Variants in SESTD1 observed in about 807,000 individuals in gnomAD.
SESTD1 encodes the protein SEC14 domain and spectrin repeat-containing protein 1.
In SESTD1, 43 loss-of-function variants were observed where a neutral mutation model predicts 101.7. That is an observed-to-expected ratio of 0.42 (90% CI 0.33 to 0.55). The LOEUF (loss-of-function observed/expected upper bound fraction) is 0.55. Ranked by LOEUF, SESTD1 falls within the 20% of genes least tolerant of loss-of-function variation. The pLI is 0.07. For synonymous variants in SESTD1, 283 were observed against 286.8 expected, an observed-to-expected ratio of 0.99 and a Z score of 0.13; for missense variants, 647 against 815.1, an observed-to-expected ratio of 0.79 and a Z score of 2.51.
chr2:179,112,918 C>T, intron 16 of SESTD1, 73 bp from the exon 17 acceptor site: 2 of 1,479,188 alleles, frequency 1.4e-6, no homozygotes, highest in Non-Finnish European at 8.9e-7. Flanking sequence ...TCACCCCACC[C>T]CACAAAAAAA....
At chr2:179,182,934 A>C in intron 3 of SESTD1, 146 bp downstream of exon 3, 1 of 507,024 alleles carries the variant, frequency 2.0e-6, no homozygotes, top group Admixed American at 3.8e-5. Context: ...ATGATGTTAT[A>C]AGTCATTGAT....
At chr2:179,116,904 C>A (rs2044645465) in intron 14 of SESTD1, 114 bp from the exon 15 acceptor site, 4 of 1,362,632 alleles carry the variant, frequency 2.9e-6, no homozygotes, top group Non-Finnish European at 4.0e-6. Context: ...TTAATTATAA[C>A]CTAAAGTCTT....
At chr2:179,238,272 C>A (rs555490541) in intron 1 of SESTD1, among the ~76,000 whole-genome samples, 1 of 152,032 alleles carries the variant, frequency 6.6e-6, no homozygotes, top group Non-Finnish European at 1.5e-5. Flanking sequence ...AGAAAAGCCA[C>A]ATAAAGTGAA....
chr2:179,142,548 A>G (rs1316701591), intron 9 of SESTD1, among the ~76,000 whole-genome samples: 1 of 152,188 alleles, frequency 6.6e-6, no homozygotes, highest in Non-Finnish European at 1.5e-5. Context: ...TATGACTCAA[A>G]AAGGCCATCC....
intron 1 of SESTD1, among the ~76,000 whole-genome samples, chr2:179,239,173 T>G (rs1350785937): frequency 1.3e-5 from 2 of 152,192 alleles, no homozygotes; most frequent in African/African-American, 4.8e-5. Context: ...CAATGGATTA[T>G]ATAGGATGCT....
rs2044396321 is a variant in SESTD1 at position 179,106,949 on chromosome 2, A to C, written c.*2950T>G. The C allele has an allele frequency of 6.6e-6, 1 of 152,018 alleles. No homozygotes were observed. Among genetic ancestry groups the C allele is most frequent in the Admixed American group, 6.6e-5 (1 of 15,246 alleles). The allele number at this position is 152,018 out of a possible 1,614,324, so 9.4% of individuals were successfully genotyped here. A position where few individuals can be genotyped will look rare whatever the true frequency, so the allele number is the denominator to read the frequency against. On this transcript the variant is annotated 3_prime_UTR_variant, in exon 18 of 18. Transcript: ENST00000428443. ...AAACAAATGATAAAAGAAAAAAAAA[A>C]TCCTCAAACAAACAAAAAAACCCAA...
chr2:179,149,121 C>A (rs906619962), intron 7 of SESTD1, among the ~76,000 whole-genome samples, 176 bp downstream of exon 7: 5 of 134,982 alleles, frequency 3.7e-5, no homozygotes, highest in Admixed American at 1.5e-4. Context: ...TGATTCAAAC[C>A]AATACATTTT....
chr2:179,173,727 T>C (rs1001998741), intron 4 of SESTD1, among the ~76,000 whole-genome samples: 2 of 152,194 alleles, frequency 1.3e-5, no homozygotes, highest in African/African-American at 2.4e-5. Flanking sequence ...TAATAAGTTA[T>C]TCCAAGCTTT....
chr2:179,171,794 G>A (rs113449372), intron 5 of SESTD1, among the ~76,000 whole-genome samples: 1 of 152,236 alleles, frequency 6.6e-6, no homozygotes, highest in African/African-American at 2.4e-5. Context: ...ACTCCAAAAT[G>A]TCCAGGATTT....
intron 1 of SESTD1, among the ~76,000 whole-genome samples, chr2:179,201,381 T>G (rs1050901451): frequency 7.9e-6 from 1 of 126,414 alleles, no homozygotes; most frequent in African/African-American, 3.5e-5. Context: ...CTCAGGGATC[T>G]AGAACTAGAA....
At chr2:179,165,911 CA>C (rs1240181251) in intron 5 of SESTD1, among the ~76,000 whole-genome samples, 1 of 151,540 alleles carries the variant, frequency 6.6e-6, no homozygotes, top group Non-Finnish European at 1.5e-5. Flanking sequence ...TAACAATGAC[CA>C]AAAAAAATGC....
chr2:179,245,287 C>T (rs977026275), intron 1 of SESTD1, among the ~76,000 whole-genome samples: 1 of 151,944 alleles, frequency 6.6e-6, no homozygotes, highest in Admixed American at 6.6e-5. Context: ...GAGGCTGAGG[C>T]GGACGGATCA....
chr2:179,192,031 T>A (rs1420773557), intron 1 of SESTD1, among the ~76,000 whole-genome samples, 165 bp from the exon 2 acceptor site: 1 of 152,152 alleles, frequency 6.6e-6, no homozygotes, highest in South Asian at 2.1e-4. Flanking sequence ...GTAGAATAGT[T>A]TGCAGCATCC....
At chr2:179,262,210 G>A (rs2047492414) in intron 1 of SESTD1, among the ~76,000 whole-genome samples, 1 of 152,140 alleles carries the variant, frequency 6.6e-6, no homozygotes, top group Admixed American at 6.5e-5. Context: ...ATGGGGAAGG[G>A]GGAATAGTAA....
At chr2:179,203,139 C>A (rs569433481) in intron 1 of SESTD1, among the ~76,000 whole-genome samples, 1 of 134,868 alleles carries the variant, frequency 7.4e-6, no homozygotes. Flanking sequence ...AAACAACCTG[C>A]AGGCACAATG....
rs577606981 is a variant in SESTD1 at position 179,101,928 on chromosome 2, T to C, written c.*7971A>G. 1 of 152,322 alleles carries C rather than the reference T, an allele frequency of 6.6e-6. No homozygotes were observed. The highest frequency in any genetic ancestry group is 2.1e-4 in the South Asian group (1 of 4,832). The allele number at this position is 152,322 out of a possible 1,614,324, so 9.4% of individuals were successfully genotyped here. ...GTACTTAACTTCATTGGACAAGGTA[T>C]AAGGCTTGCCAATTTCCAAAGTCTG... On this transcript the variant is annotated 3_prime_UTR_variant, in exon 18 of 18. Coordinates refer to ENST00000428443, the MANE Select transcript of SESTD1 (RefSeq NM_178123.5).
At chr2:179,129,206 T>C (rs1037739162) in intron 10 of SESTD1, among the ~76,000 whole-genome samples, 6 of 152,226 alleles carry the variant, frequency 3.9e-5, no homozygotes, top group Admixed American at 2.0e-4. Flanking sequence ...CACTATGAGA[T>C]GGTGGGATAG....
chr2:179,222,072 A>G (rs1329041432), intron 1 of SESTD1, among the ~76,000 whole-genome samples: 1 of 152,258 alleles, frequency 6.6e-6, no homozygotes, highest in Non-Finnish European at 1.5e-5. Flanking sequence ...CATAGGACAC[A>G]TGGAAAACCA....
intron 9 of SESTD1, among the ~76,000 whole-genome samples, chr2:179,142,791 T>C (rs979882295): frequency 1.3e-5 from 2 of 152,158 alleles, no homozygotes; most frequent in African/African-American, 4.8e-5. Flanking sequence ...TAATTGCCCA[T>C]AACCTCTCAG....
Sources: gnomAD v4.1 joint callset for allele counts (sites outside exome capture counted in the v4.1 genomes callset) on GRCh38, gnomAD v4.1.1 for gene constraint, MANE v1.5 for transcripts, NCBI Gene and HGNC (gene_info 2026-07-23, HGNC 2026-07-21) for gene names.